CYTH1: variants seen among roughly 807,000 people sequenced by gnomAD.
The protein encoded by CYTH1 is cytohesin-1.
CYTH1 carries 18 observed loss-of-function variants against 61.8 expected under a neutral mutation model. That is an observed-to-expected ratio of 0.29 (90% confidence interval 0.20 to 0.43). The LOEUF is 0.43. Ranked by LOEUF, CYTH1 falls within the 20% of genes least tolerant of loss-of-function variation. The pLI is 1.00. For synonymous variants in CYTH1, 174 were observed against 184.3 expected (o/e 0.94, Z 0.45); for missense variants, 336 against 510.5 (o/e 0.66, Z 3.29).
intron 1 of CYTH1, among the ~76,000 whole-genome samples, chr17:78,773,753 T>G (rs1431274516): frequency 6.6e-6 from 1 of 152,172 alleles, no homozygotes; most frequent in Non-Finnish European, 1.5e-5. Flanking sequence ...AGATCTTTCA[T>G]CTTTAAAAGA....
chr17:78,677,201 G>A (rs960855321), intron 13 of CYTH1: 20 of 398,348 alleles, frequency 5.0e-5, no homozygotes, highest in Non-Finnish European at 9.1e-5. Context: ...GGAATCTGGC[G>A]GCCGGGACAC....
chr17:78,702,698 G>T, intron 3 of CYTH1, 94 bp from the exon 4 acceptor site: 2 of 1,345,798 alleles, frequency 1.5e-6, no homozygotes, highest in Non-Finnish European at 1.1e-6. Context: ...ACAGGTTTTT[G>T]AAAGATTTAT....
chr17:78,708,091 CA>C, intron 3 of CYTH1, 105 bp downstream of exon 3: 1 of 1,146,226 alleles, frequency 8.7e-7, no homozygotes, highest in African/African-American at 1.5e-5. Context: ...ATTAGAAAGA[CA>C]CAAAGCTGAC....
intron 1 of CYTH1, among the ~76,000 whole-genome samples, chr17:78,745,246 C>T (rs576536964): frequency 2.0e-5 from 3 of 152,198 alleles, no homozygotes; most frequent in East Asian, 1.9e-4. Context: ...GAACAGTGCC[C>T]CTTCAGGACC....
At chr17:78,777,561 T>A (rs2093497703) in intron 1 of CYTH1, among the ~76,000 whole-genome samples, 1 of 152,156 alleles carries the variant, frequency 6.6e-6, no homozygotes, top group East Asian at 1.9e-4. Flanking sequence ...TTTTGTTGGT[T>A]TTTGAAATTG....
intron 1 of CYTH1, among the ~76,000 whole-genome samples, chr17:78,734,432 CTTTTTTTTT>C (rs10557033): frequency 1.6e-5 from 1 of 62,716 alleles, no homozygotes; most frequent in South Asian, 7.0e-4. Flanking sequence ...TAAAAAAAAG[CTTTTTTTTT>C]TTTTTTTTTT....
chr17:78,730,695 C>T (rs1212705052), intron 1 of CYTH1, among the ~76,000 whole-genome samples: 1 of 151,376 alleles, frequency 6.6e-6, no homozygotes, highest in African/African-American at 2.4e-5. Flanking sequence ...GATGGAGTCT[C>T]GCTCTGTCGC....
chr17:78,736,251 T>C (rs964120364), intron 1 of CYTH1, among the ~76,000 whole-genome samples: 1 of 152,196 alleles, frequency 6.6e-6, no homozygotes, highest in Non-Finnish European at 1.5e-5. Context: ...TCTGACCAAC[T>C]GTTATTTTGA....
intron 1 of CYTH1, among the ~76,000 whole-genome samples, chr17:78,730,687 T>C (rs1055790720): frequency 6.6e-6 from 1 of 151,546 alleles, no homozygotes; most frequent in African/African-American, 2.4e-5. Flanking sequence ...GTTTTTGAGA[T>C]GGAGTCTCGC....
intron 1 of CYTH1, among the ~76,000 whole-genome samples, chr17:78,777,511 A>G (rs2093497450): frequency 6.6e-6 from 1 of 152,188 alleles, no homozygotes; most frequent in Non-Finnish European, 1.5e-5. Context: ...AACTGTCCCT[A>G]TCTAATGAAT....
At chr17:78,777,202 GA>G (rs1425592438) in intron 1 of CYTH1, among the ~76,000 whole-genome samples, 2 of 151,358 alleles carry the variant, frequency 1.3e-5, no homozygotes, top group African/African-American at 4.9e-5. Flanking sequence ...GATGGATCAC[GA>G]GGTCAGGAGA....
intron 11 of CYTH1, among the ~76,000 whole-genome samples, chr17:78,685,203 CAAA>C (rs58642161): frequency 6.6e-5 from 4 of 60,442 alleles, no homozygotes; most frequent in East Asian, 4.4e-4. Context: ...GACTCTGTCT[CAAA>C]AAAAAAAAAA....
chr17:78,699,086 G>A, intron 7 of CYTH1, 118 bp from the exon 8 acceptor site: 1 of 1,279,174 alleles, frequency 7.8e-7, no homozygotes. Context: ...CATGTTCTCG[G>A]CCAGATGCAG....
chr17:78,762,825 T>C (rs1197901698), intron 1 of CYTH1, among the ~76,000 whole-genome samples: 1 of 152,020 alleles, frequency 6.6e-6, no homozygotes, highest in Non-Finnish European at 1.5e-5. Flanking sequence ...GCTGGAAAGG[T>C]AAGGAAGTAG....
intron 1 of CYTH1, among the ~76,000 whole-genome samples, chr17:78,779,400 C>CAAAAAAAAAAAAAAAAAAAAAAAAAAA (rs56061178): frequency 1.2e-5 from 1 of 84,206 alleles, no homozygotes; most frequent in Non-Finnish European, 2.2e-5. Context: ...AACTCCATCT[C>CAAAAAAAAAAAAAAAAAAAAAAAAAAA]AAAAAAAAAA....
At chr17:78,686,700 A>G (rs2092820125) in intron 11 of CYTH1, among the ~76,000 whole-genome samples, 1 of 152,026 alleles carries the variant, frequency 6.6e-6, no homozygotes, top group South Asian at 2.1e-4. Flanking sequence ...ATGGAAGACA[A>G]TTTTTCCACG....
chr17:78,741,565 C>A (rs765199377), intron 1 of CYTH1, among the ~76,000 whole-genome samples: 47 of 152,184 alleles, frequency 3.1e-4, no homozygotes, highest in Admixed American at 5.9e-4. Flanking sequence ...TTAGAGAGGA[C>A]ACCAAGGAGT....
chr17:78,725,094 C>T (rs1197899983), intron 1 of CYTH1, among the ~76,000 whole-genome samples: 1 of 152,180 alleles, frequency 6.6e-6, no homozygotes, highest in African/African-American at 2.4e-5. Context: ...CACCTCTCCT[C>T]CCAGTCCAAG....
intron 3 of CYTH1, among the ~76,000 whole-genome samples, chr17:78,707,877 C>T (rs1285284308): frequency 1.3e-5 from 2 of 152,100 alleles, no homozygotes; most frequent in Non-Finnish European, 2.9e-5. Context: ...GACAGGGTTT[C>T]ACCATGTTGG....
Sources: allele counts gnomAD v4.1 joint callset (sites outside exome capture counted in the v4.1 genomes callset), GRCh38; gene constraint gnomAD v4.1.1; transcripts MANE v1.5; gene names NCBI Gene and HGNC (gene_info 2026-07-23, HGNC 2026-07-21).